MASTL: variants seen among roughly 807,000 people sequenced by gnomAD.
MASTL encodes serine/threonine-protein kinase greatwall.
MASTL carries 54 observed loss-of-function variants against 82.5 expected under a neutral mutation model. That is an observed-to-expected ratio of 0.65 (90% CI 0.53 to 0.82). MASTL has a LOEUF of 0.82. MASTL is among the 40% of genes least tolerant of loss of function. The probability of loss-of-function intolerance (pLI) is 0.00; values close to 1 mark genes in which losing one functional copy is unlikely to be tolerated. For missense variants in MASTL, 950 were observed against 1,047.8 expected, an observed-to-expected ratio of 0.91 and a Z score of 1.29; for synonymous variants, 323 against 368.9, an observed-to-expected ratio of 0.88 and a Z score of 1.43.
intron 9 of MASTL, among the ~76,000 whole-genome samples, chr10:27,174,714 C>G (rs2058050690): frequency 6.6e-6 from 1 of 152,110 alleles, no homozygotes; most frequent in Non-Finnish European, 1.5e-5. Context: ...CCCTGTGTCT[C>G]TATCATCATA....
intron 1 of MASTL, among the ~76,000 whole-genome samples, chr10:27,156,287 G>A (rs1038984095): frequency 1.3e-5 from 2 of 152,232 alleles, no homozygotes; most frequent in African/African-American, 2.4e-5. Flanking sequence ...GCCTCCCAAA[G>A]TGCTGGGATT....
intron 1 of MASTL, among the ~76,000 whole-genome samples, chr10:27,155,988 C>T (rs2057355005): frequency 6.6e-6 from 1 of 152,090 alleles, no homozygotes; most frequent in African/African-American, 2.4e-5. Context: ...TAGTCTCACC[C>T]TGGCTTGAGT....
At chr10:27,157,224 G>A (rs2057421433) in intron 1 of MASTL, among the ~76,000 whole-genome samples, 1 of 152,146 alleles carries the variant, frequency 6.6e-6, no homozygotes, top group Non-Finnish European at 1.5e-5. Flanking sequence ...TTTCAGAATT[G>A]GAAGATCTGA....
chr10:27,158,463 T>C, intron 1 of MASTL, 86 bp from the exon 2 acceptor site: 1 of 1,080,032 alleles, frequency 9.3e-7, no homozygotes, highest in Non-Finnish European at 1.4e-6. Flanking sequence ...GCTTTGATCA[T>C]GCCACTGCAC....
intron 1 of MASTL, among the ~76,000 whole-genome samples, chr10:27,156,281 C>G (rs2057375567): frequency 6.6e-6 from 1 of 152,230 alleles, no homozygotes; most frequent in South Asian, 2.1e-4. Flanking sequence ...GCCTCGGCCT[C>G]CCAAAGTGCT....
chr10:27,162,802 G>A (rs2057614915), intron 4 of MASTL, among the ~76,000 whole-genome samples: 1 of 152,158 alleles, frequency 6.6e-6, no homozygotes, highest in Non-Finnish European at 1.5e-5. Context: ...AATATATGCA[G>A]ATCTACAATT....
chr10:27,179,084 T>C (rs2136146946), intron 9 of MASTL, among the ~76,000 whole-genome samples: 1 of 152,322 alleles, frequency 6.6e-6, no homozygotes, highest in South Asian at 2.1e-4. Flanking sequence ...TGAAGTTGTC[T>C]TTAAAGAGTA....
In MASTL at chr10:27,155,480, G is replaced by A. The variant is rs199860585; in HGVS notation, c.54G>A (p.Glu18=). 1 of 1,614,020 alleles carries A rather than the reference G, an allele frequency of 6.2e-7. No individual in the cohort carries two copies. Among genetic ancestry groups the A allele is most frequent in the East Asian group, 2.2e-5 (1 of 44,884 alleles). ...AGCCTGGAGGAGGCGCGGCGACTGAGGAGGGCGTGAATAGGATCGCAGTGC... is the reference window on the plus strand; with the variant it reads ...AGCCTGGAGGAGGCGCGGCGACTGAAGAGGGCGTGAATAGGATCGCAGTGC... ...KKEPGGGAAT[E]EGVNRIAVPK... Residue 18 remains glutamate (E), a synonymous_variant, in exon 1 of 12, where the codon GAG becomes GAA. Coordinates refer to ENST00000375940, the MANE Select transcript of MASTL (RefSeq NM_001172303.3).
In MASTL at chr10:27,186,714, A is replaced by C. The variant is rs2058775752; in HGVS notation, c.*178A>C. Reference sequence around the variant, plus strand: ...AAAGGCTGAAAGGAATATAGTCAGTAATTTATCTTAACCTCAAAACTGTAT... The same window carrying C: ...AAAGGCTGAAAGGAATATAGTCAGTCATTTATCTTAACCTCAAAACTGTAT... On this transcript the variant is annotated 3_prime_UTR_variant, in exon 12 of 12. Transcript: ENST00000375940. 1.6e-6 allele frequency: 1 copy of C among 625,886 alleles called. No individual in the cohort carries two copies. The highest frequency in any genetic ancestry group is 1.8e-5 in the African/African-American group (1 of 54,422). The allele number at this position is 625,886 out of a possible 1,614,324, so 38.8% of individuals were successfully genotyped here.
intron 7 of MASTL, among the ~76,000 whole-genome samples, chr10:27,168,776 C>T (rs1174991376): frequency 1.3e-5 from 2 of 152,076 alleles, no homozygotes; most frequent in Admixed American, 6.6e-5. Context: ...GACATCATGC[C>T]TCCAGACTGG....
chr10:27,180,707 G>A (rs1213169622), intron 9 of MASTL, among the ~76,000 whole-genome samples: 1 of 152,034 alleles, frequency 6.6e-6, no homozygotes, highest in Non-Finnish European at 1.5e-5. Context: ...TTGCATTTTT[G>A]TATCAATCAA....
chr10:27,165,164 G>A lies in MASTL; in HGVS notation c.654G>A (p.Leu218=). 1 of 1,609,716 alleles carries A rather than the reference G, an allele frequency of 6.2e-7. No individual in the cohort carries two copies. The highest frequency in any genetic ancestry group is 8.5e-7 in the Non-Finnish European group (1 of 1,176,154). ...PGQVLSLISS[L]GFNTPIAEKN... ...AAGTGTTATCGCTTATCAGCTCGTT[G>A]GGATTTGTAAGTACTTGAGAAGAAA... The change falls in exon 5 of 12, where the codon TTG becomes TTA. Residue 218 remains leucine, a synonymous_variant. Coordinates refer to ENST00000375940, the MANE Select transcript of MASTL (RefSeq NM_001172303.3).
chr10:27,167,353 A>G lies in MASTL; in HGVS notation c.984+79A>G, dbSNP rs2057774968. 7 of 1,249,224 alleles carry G rather than the reference A, an allele frequency of 5.6e-6. No homozygotes were observed. The Admixed American group carries it at 1.3e-4, about 23-fold the overall frequency. The allele number at this position is 1,249,224 out of a possible 1,614,324, so 77.4% of individuals were successfully genotyped here. Reference sequence around the variant, plus strand: ...GAGAAATATTATACCTTTTCATATAAATTCCATAAAGAAATGAAATTGTTA... The same window carrying G: ...GAGAAATATTATACCTTTTCATATAGATTCCATAAAGAAATGAAATTGTTA... On this transcript the variant is annotated intron_variant, in intron 7 of 11. Coordinates refer to ENST00000375940, the MANE Select transcript of MASTL (RefSeq NM_001172303.3).
chr10:27,177,710 C>G, intron 9 of MASTL: 2 of 256,064 alleles, frequency 7.8e-6, no homozygotes, highest in Non-Finnish European at 1.2e-5. Flanking sequence ...ATATCTGGCA[C>G]AATACCTGGT....
rs2058767218 is a variant in MASTL at position 27,186,598 on chromosome 10, T to G, written c.*62T>G. The G allele has an allele frequency of 7.5e-7, 1 of 1,333,550 alleles. No homozygotes were observed. The highest frequency in any genetic ancestry group is 1.1e-6 in the Non-Finnish European group (1 of 923,452). The allele number at this position is 1,333,550 out of a possible 1,614,324, so 82.6% of individuals were successfully genotyped here. A position where few individuals can be genotyped will look rare whatever the true frequency, so the allele number is the denominator to read the frequency against. ...AGAATGAACTTGCATAATTATATACTCCTTAATACTAGATTGATCTAAGGG... is the reference window on the plus strand; with the variant it reads ...AGAATGAACTTGCATAATTATATACGCCTTAATACTAGATTGATCTAAGGG... On this transcript the variant is annotated 3_prime_UTR_variant, in exon 12 of 12. Coordinates refer to ENST00000375940, the MANE Select transcript of MASTL (RefSeq NM_001172303.3).
intron 9 of MASTL, among the ~76,000 whole-genome samples, chr10:27,173,874 C>T (rs968982194): frequency 1.3e-5 from 2 of 151,970 alleles, no homozygotes; most frequent in African/African-American, 4.8e-5. Context: ...CCACCGTACC[C>T]GGCCTATCTT....
chr10:27,161,094 G>A lies in MASTL; in HGVS notation c.465G>A (p.Arg155=), dbSNP rs756701980. The A allele has an allele frequency of 1.9e-6, 3 of 1,607,456 alleles. No homozygotes were observed. In the South Asian group the frequency reaches 3.3e-5, roughly 18 times the overall value. ...DYLHRHGIIH[R]DLKPDNMLIS... is the part of the protein sequence containing the mutation. ...TAATATTTGCCTTTTGTGTGTGCAG[G>A]GACTTGAAACCGGACAATATGCTTA... The change falls in exon 4 of 12, where the codon AGG becomes AGA. Residue 155 remains arginine (R), a splice_region_variant and synonymous_variant. Coordinates refer to ENST00000375940, the MANE Select transcript of MASTL (RefSeq NM_001172303.3).
At position 27,186,497 on chromosome 10, in the gene MASTL, T is replaced by C. The variant is rs1420513910; in HGVS notation, c.2601T>C (p.Asn867=). 1 of 1,614,042 alleles carries C rather than the reference T, an allele frequency of 6.2e-7. No individual in the cohort carries two copies. Among genetic ancestry groups the C allele is most frequent in the Non-Finnish European group, 8.5e-7 (1 of 1,180,008 alleles). The change falls in exon 12 of 12, where the codon AAT becomes AAC. Residue 867 remains asparagine, a synonymous_variant. Transcript: ENST00000375940. The part of the protein sequence containing the change: ...ETDTSYFEAR[N]TAQHLTVSGF... ...ATACCTCCTATTTTGAAGCCAGGAA[T>C]ACTGCTCAGCACCTGACTGTATCTG...
intron 11 of MASTL, 96 bp from the exon 12 acceptor site, chr10:27,186,283 T>C (rs2058741601): frequency 8.1e-7 from 1 of 1,229,872 alleles, no homozygotes; most frequent in African/African-American, 1.5e-5. Flanking sequence ...GTAAGGTAAG[T>C]TATATGTGAG....
Sources: allele counts gnomAD v4.1 joint callset (sites outside exome capture counted in the v4.1 genomes callset), GRCh38; gene constraint gnomAD v4.1.1; transcripts MANE v1.5; gene names NCBI Gene and HGNC (gene_info 2026-07-23, HGNC 2026-07-21).